Variants in NTM observed in about 807,000 individuals in gnomAD.
NTM encodes IgLON family member 2.
Under a neutral mutation model 42.1 loss-of-function variants are expected in NTM, and 13 were observed. The ratio of observed to expected loss-of-function variants is 0.31; its 90% confidence interval spans 0.20 to 0.49. The LOEUF (loss-of-function observed/expected upper bound fraction) is 0.49. NTM is among the 20% of genes least tolerant of loss of function. The pLI, the probability that NTM is intolerant of heterozygous loss-of-function variation, is 0.99. For missense variants in NTM, 373 were observed against 452.8 expected (o/e 0.82, Z 1.60); for synonymous variants, 187 against 179.2 (o/e 1.04, Z -0.35).
intron 2 of NTM, among the ~76,000 whole-genome samples, chr11:132,026,920 C>T (rs2075267074): frequency 1.3e-5 from 2 of 152,200 alleles, no homozygotes; most frequent in African/African-American, 4.8e-5. Context: ...CCTCATGTTC[C>T]TTCTGTCCTT....
In NTM at chr11:131,679,683, A is replaced by T. The variant is rs145922457; in HGVS notation, c.83-231881A>T. ...GTGCCCCCTAGTAAGGTAGTAAGAAATATTGTAAAAATGTTACAGCATCTG... is the reference window on the plus strand; with the variant it reads ...GTGCCCCCTAGTAAGGTAGTAAGAATTATTGTAAAAATGTTACAGCATCTG... On this transcript the variant is annotated intron_variant, in intron 1 of 8. Transcript: ENST00000683400. Among the ~76,000 whole-genome samples, 25 of 151,666 alleles carry T rather than the reference A, an allele frequency of 1.6e-4. 1 individual carries two copies. The East Asian group carries it at 3.5e-3, about 21-fold the overall frequency.
At chr11:132,101,738 A>G (rs1296180432) in intron 2 of NTM, among the ~76,000 whole-genome samples, 1 of 152,162 alleles carries the variant, frequency 6.6e-6, no homozygotes, top group Non-Finnish European at 1.5e-5. Context: ...GTGTGTAGGT[A>G]TACACCTCAC....
At position 132,263,687 on chromosome 11, in the gene NTM, C is replaced by G. The variant is rs1437927575; in HGVS notation, c.527-44002C>G. On this transcript the variant is annotated intron_variant, in intron 4 of 8. Coordinates refer to ENST00000683400, the MANE Select transcript of NTM (RefSeq NM_001352005.2). ...GTCAAGAGGAATCAAACTGCTCCCT[C>G]AAACACATTGCTTAGAAAGTTCCTA... Among the ~76,000 whole-genome samples the G allele has an allele frequency of 2.6e-5, 4 of 152,156 alleles. No homozygotes were observed. The South Asian group carries it at 6.2e-4, about 24-fold the overall frequency.
chr11:131,636,189 C>A (rs537554509), intron 1 of NTM, among the ~76,000 whole-genome samples: 3 of 152,266 alleles, frequency 2.0e-5, no homozygotes, highest in Admixed American at 2.0e-4. Context: ...CAGAGCCCCA[C>A]CACGGAGGAC....
intron 3 of NTM, among the ~76,000 whole-genome samples, chr11:132,168,459 A>G (rs546188503): frequency 2.0e-5 from 3 of 152,142 alleles, no homozygotes; most frequent in Non-Finnish European, 4.4e-5. Context: ...AGCCCACAAG[A>G]TAACAGAATA....
rs7938574 is a variant in NTM at position 131,929,169 on chromosome 11, G to A, written c.167+17521G>A. 7.2e-3 allele frequency among the ~76,000 whole-genome samples: 1,103 copies of A among 152,374 alleles called. 20 individuals are homozygous for A. Among genetic ancestry groups the A allele is most frequent in the South Asian group, 0.045 (218 of 4,832 alleles). On this transcript the variant is annotated intron_variant, in intron 2 of 8. Coordinates refer to ENST00000683400, the MANE Select transcript of NTM (RefSeq NM_001352005.2). ...GCCAGGGAGGGAAAGGAGGAAGTGT[G>A]CGAGTTTAGACTCCCTGGTTAGGGG...
At chr11:131,977,154 A>G (rs534109331) in intron 2 of NTM, among the ~76,000 whole-genome samples, 3 of 152,352 alleles carry the variant, frequency 2.0e-5, no homozygotes, top group African/African-American at 7.2e-5. Flanking sequence ...GCATGGATTG[A>G]TCTCTGCTAC....
chr11:131,717,611 G>C (rs1038076134), intron 1 of NTM, among the ~76,000 whole-genome samples: 1 of 152,158 alleles, frequency 6.6e-6, no homozygotes, highest in African/African-American at 2.4e-5. Context: ...TGTTCTAGTA[G>C]TTTTTATTGA....
chr11:131,791,787 G>A (rs1488522131), intron 1 of NTM, among the ~76,000 whole-genome samples: 1 of 152,342 alleles, frequency 6.6e-6, no homozygotes, highest in Non-Finnish European at 1.5e-5. Context: ...CTTAGAAGAC[G>A]AAGTGTTACC....
At chr11:131,960,335 C>A (rs2062019026) in intron 2 of NTM, among the ~76,000 whole-genome samples, 1 of 152,196 alleles carries the variant, frequency 6.6e-6, no homozygotes, top group Non-Finnish European at 1.5e-5. Flanking sequence ...GACTTAGGGG[C>A]TTCAGTTCTG....
At chr11:132,047,247 C>CT (rs1433463369) in intron 2 of NTM, among the ~76,000 whole-genome samples, 2 of 152,234 alleles carry the variant, frequency 1.3e-5, no homozygotes, top group Non-Finnish European at 2.9e-5. Context: ...GAAGTTTATC[C>CT]TTTTAACTAA....
Position 132,270,515 on chromosome 11 carries a change from C to T in NTM, c.527-37174C>T, listed in dbSNP as rs376809912. Among the ~76,000 whole-genome samples, 105 of 152,300 alleles carry T rather than the reference C, an allele frequency of 6.9e-4. 1 individual carries two copies. The East Asian group carries it at 0.017, about 25-fold the overall frequency. Reference sequence around the variant, plus strand: ...AATTGCTAAGATTACAAGCATGAGTCACTGTGCCTGGTCAGAGAACCATAT... The same window carrying T: ...AATTGCTAAGATTACAAGCATGAGTTACTGTGCCTGGTCAGAGAACCATAT... On this transcript the variant is annotated intron_variant, in intron 4 of 8. Transcript: ENST00000683400.
chr11:131,954,938 C>A (rs997381659), intron 2 of NTM, among the ~76,000 whole-genome samples: 2 of 152,176 alleles, frequency 1.3e-5, no homozygotes, highest in Non-Finnish European at 2.9e-5. Flanking sequence ...AATGGACCAT[C>A]ATTTAAGTAG....
At chr11:132,334,305 G>T (rs2095849811) in intron 8 of NTM, among the ~76,000 whole-genome samples, 1 of 152,228 alleles carries the variant, frequency 6.6e-6, no homozygotes, top group Non-Finnish European at 1.5e-5. Context: ...ACTGGGGCAG[G>T]TTCTGCATCC....
intron 1 of NTM, among the ~76,000 whole-genome samples, chr11:131,504,219 G>A (rs143911132): frequency 2.2e-3 from 330 of 152,152 alleles, no homozygotes; most frequent in African/African-American, 7.6e-3. Context: ...TCTCTGTCTC[G>A]CACAGCGCAT....
chr11:131,585,375 C>T (rs1033164179), intron 1 of NTM, among the ~76,000 whole-genome samples: 2 of 152,140 alleles, frequency 1.3e-5, no homozygotes, highest in East Asian at 1.9e-4. Flanking sequence ...TTGACAAGTC[C>T]GGGTTTGGTG....
intron 1 of NTM, among the ~76,000 whole-genome samples, chr11:131,489,518 T>C (rs1303831543): frequency 6.6e-6 from 1 of 152,226 alleles, no homozygotes; most frequent in Non-Finnish European, 1.5e-5. Flanking sequence ...GGACTTCTTT[T>C]GTCTGACTTG....
chr11:132,044,775 T>C (rs571347929), intron 2 of NTM, among the ~76,000 whole-genome samples: 1 of 151,660 alleles, frequency 6.6e-6, no homozygotes, highest in Admixed American at 6.6e-5. Context: ...AACTAGAAAA[T>C]CTAGACGAAA....
intron 1 of NTM, among the ~76,000 whole-genome samples, chr11:131,525,682 G>T (rs1041226489): frequency 6.6e-6 from 1 of 152,176 alleles, no homozygotes. Context: ...AGCATCACTG[G>T]GGCATGAGGT....
Sources: gnomAD v4.1 joint callset for allele counts (sites outside exome capture counted in the v4.1 genomes callset) on GRCh38, gnomAD v4.1.1 for gene constraint, MANE v1.5 for transcripts, NCBI Gene and HGNC (gene_info 2026-07-23, HGNC 2026-07-21) for gene names.